The following EDIL3 variants were observed in gnomAD, a reference collection of about 807,000 sequenced individuals.
EDIL3 encodes EGF like and discoidin domains 3.
Under a neutral mutation model 67.4 loss-of-function variants are expected in EDIL3, and 37 were observed. The ratio of observed to expected loss-of-function variants is 0.55; its 90% CI spans 0.42 to 0.72. EDIL3 has a LOEUF of 0.72. EDIL3 is among the 30% of genes least tolerant of loss of function. The pLI is 0.00. For synonymous variants in EDIL3, 195 were observed against 196.3 expected, an observed-to-expected ratio of 0.99 and a Z score of 0.05; for missense variants, 527 against 586.3, an observed-to-expected ratio of 0.90 and a Z score of 1.04.
At chr5:84,275,841 C>A (rs1024938108) in intron 1 of EDIL3, among the ~76,000 whole-genome samples, 3 of 152,156 alleles carry the variant, frequency 2.0e-5, no homozygotes, top group East Asian at 1.9e-4. Flanking sequence ...AAAACAAAGA[C>A]CTGATAGGTA....
At chr5:84,109,368 T>G (rs1490872708) in intron 5 of EDIL3, among the ~76,000 whole-genome samples, 2 of 152,084 alleles carry the variant, frequency 1.3e-5, no homozygotes, top group Non-Finnish European at 2.9e-5. Flanking sequence ...TACCTGGGCA[T>G]GGCAGCATGT....
intron 1 of EDIL3, among the ~76,000 whole-genome samples, chr5:84,356,022 A>G (rs906273184): frequency 2.0e-5 from 3 of 152,174 alleles, no homozygotes; most frequent in Non-Finnish European, 4.4e-5. Context: ...AAACCTTCCA[A>G]ATCAGAGCAG....
chr5:84,265,639 A>T (rs1268395435), intron 1 of EDIL3, among the ~76,000 whole-genome samples: 1 of 152,250 alleles, frequency 6.6e-6, no homozygotes, highest in African/African-American at 2.4e-5. Context: ...CTATGAAGTA[A>T]GTCTTTTTAT....
chr5:84,321,871 T>G (rs1746655670), intron 1 of EDIL3, among the ~76,000 whole-genome samples: 1 of 152,102 alleles, frequency 6.6e-6, no homozygotes, highest in Non-Finnish European at 1.5e-5. Context: ...TTTTTCTATT[T>G]TTCCCATTTT....
chr5:84,226,339 C>G (rs921623734), intron 3 of EDIL3, among the ~76,000 whole-genome samples: 3 of 151,426 alleles, frequency 2.0e-5, no homozygotes, highest in Non-Finnish European at 4.4e-5. Flanking sequence ...AATAAACAAA[C>G]ATGAATAACA....
chr5:84,217,025 C>T (rs1231247807), intron 3 of EDIL3, among the ~76,000 whole-genome samples: 2 of 152,076 alleles, frequency 1.3e-5, no homozygotes, highest in East Asian at 1.9e-4. Flanking sequence ...TTTATCTTAT[C>T]CATCCTATCC....
intron 10 of EDIL3, among the ~76,000 whole-genome samples, chr5:83,959,795 C>G (rs1326967456): frequency 6.6e-6 from 1 of 150,530 alleles, no homozygotes; most frequent in Non-Finnish European, 1.5e-5. Flanking sequence ...TGAAATGATA[C>G]ATAAAATATC....
Position 83,963,283 on chromosome 5 carries a change from AAC to A in EDIL3, c.1213_1214del (p.Val405TrpfsTer10). On this transcript the variant is annotated frameshift_variant, in exon 10 of 11. Transcript: ENST00000296591. LOFTEE classifies it high-confidence loss of function. ...TGCTGTAAGCCAGTTTGTAGGAGCCAACAAACTGTACATGACCAAAATCTTTA... is the reference window on the plus strand; with the variant it reads ...TGCTGTAAGCCAGTTTGTAGGAGCCAAAACTGTACATGACCAAAATCTTTA... ...GAKDFGHVQFVGSYKLAYSND... is the reference protein window; with the variant it reads ...GAKDFGHVQFXGSYKLAYSND... 1 of 1,610,504 alleles carries A rather than the reference AAC, an allele frequency of 6.2e-7. No individual in the cohort carries two copies. Among genetic ancestry groups the A allele is most frequent in the Non-Finnish European group, 8.5e-7 (1 of 1,177,768 alleles).
intron 1 of EDIL3, among the ~76,000 whole-genome samples, chr5:84,359,005 G>A (rs914032286): frequency 6.6e-6 from 1 of 151,964 alleles, no homozygotes; most frequent in Non-Finnish European, 1.5e-5. Flanking sequence ...AGCCTCCCTG[G>A]GCAAGTACTT....
At chr5:84,197,644 C>T (rs547373429) in intron 3 of EDIL3, among the ~76,000 whole-genome samples, 6 of 147,664 alleles carry the variant, frequency 4.1e-5, no homozygotes, top group South Asian at 4.3e-4. Flanking sequence ...GGTGACAGAG[C>T]GAAACTACAT....
intron 3 of EDIL3, among the ~76,000 whole-genome samples, chr5:84,227,094 A>T (rs975833459): frequency 6.6e-6 from 1 of 152,030 alleles, no homozygotes; most frequent in Non-Finnish European, 1.5e-5. Flanking sequence ...GGAGAAATGA[A>T]AATGAATTGG....
chr5:84,115,790 A>G (rs905225429), intron 5 of EDIL3, among the ~76,000 whole-genome samples: 4 of 152,218 alleles, frequency 2.6e-5, no homozygotes, highest in African/African-American at 9.6e-5. Context: ...GACAAAACAT[A>G]TATCTACATA....
chr5:84,337,092 A>T (rs1007940665), intron 1 of EDIL3, among the ~76,000 whole-genome samples: 11 of 152,188 alleles, frequency 7.2e-5, no homozygotes, highest in Non-Finnish European at 1.5e-4. Context: ...TGCTCCACCA[A>T]CACATCCTGA....
chr5:84,023,310 T>C (rs983805534), intron 9 of EDIL3, among the ~76,000 whole-genome samples: 7 of 152,034 alleles, frequency 4.6e-5, no homozygotes, highest in African/African-American at 1.7e-4. Flanking sequence ...ATGCATTCTT[T>C]GCATTTGAAG....
intron 9 of EDIL3, among the ~76,000 whole-genome samples, chr5:83,983,547 T>C (rs756062639): frequency 2.0e-5 from 3 of 152,070 alleles, no homozygotes; most frequent in Non-Finnish European, 4.4e-5. Flanking sequence ...AAGAACTTCA[T>C]GTTATACTCC....
chr5:84,278,541 C>T (rs752515689), intron 1 of EDIL3, among the ~76,000 whole-genome samples: 164 of 152,088 alleles, frequency 1.1e-3, no homozygotes, highest in African/African-American at 1.4e-3. Context: ...GGACCTACCA[C>T]GTGCCCAATA....
intron 3 of EDIL3, among the ~76,000 whole-genome samples, chr5:84,209,142 G>A (rs1483945068): frequency 1.3e-5 from 2 of 151,300 alleles, no homozygotes; most frequent in Admixed American, 6.6e-5. Context: ...ACCAAACACC[G>A]CATGTTCTCA....
chr5:84,054,472 G>C (rs964648026), intron 9 of EDIL3, among the ~76,000 whole-genome samples: 3 of 152,270 alleles, frequency 2.0e-5, no homozygotes, highest in Admixed American at 6.5e-5. Flanking sequence ...AATCAGGCAG[G>C]AGAAAGAAAT....
At chr5:84,369,189 A>G (rs548715920) in intron 1 of EDIL3, among the ~76,000 whole-genome samples, 4 of 151,388 alleles carry the variant, frequency 2.6e-5, no homozygotes, top group Non-Finnish European at 5.9e-5. Flanking sequence ...ATTATTCACA[A>G]TAGCAAAAAC....
Sources: allele counts gnomAD v4.1 joint callset (sites outside exome capture counted in the v4.1 genomes callset), GRCh38; gene constraint gnomAD v4.1.1; transcripts MANE v1.5; gene names NCBI Gene and HGNC (gene_info 2026-07-23, HGNC 2026-07-21).